The following TREM1 variants were observed in gnomAD, a reference collection of about 807,000 sequenced individuals.
TREM1 encodes triggering receptor expressed on monocytes 1.
TREM1 carries 16 observed loss-of-function variants against 22.4 expected under a neutral mutation model. The ratio of observed to expected loss-of-function variants is 0.71; its 90% CI spans 0.48 to 1.08. TREM1 has a LOEUF of 1.08. Among genes scored for constraint, TREM1 ranks in the 50% least tolerant of loss-of-function variants. The pLI, the probability that TREM1 is intolerant of heterozygous loss-of-function variation, is 0.00. For missense variants in TREM1, 283 were observed against 282.9 expected (o/e 1.00, Z 0.00); for synonymous variants, 110 against 111.6 (o/e 0.99, Z 0.09).
chr6:41,279,141 C>T (rs765427064), intron 3 of TREM1, among the ~76,000 whole-genome samples: 4 of 152,190 alleles, frequency 2.6e-5, no homozygotes, highest in Non-Finnish European at 5.9e-5. Flanking sequence ...CAAGCAGAGA[C>T]GACCATCCCT....
chr6:41,281,239 G>T, intron 2 of TREM1, 86 bp from the exon 3 acceptor site: 1 of 1,459,546 alleles, frequency 6.9e-7, no homozygotes, highest in Non-Finnish European at 9.3e-7. Context: ...TGGATGTATG[G>T]ATGAAAATGT....
Position 41,275,405 on chromosome 6 carries a change from A to T in TREM1, c.*720T>A, listed in dbSNP as rs1767628210. The T allele has an allele frequency of 6.6e-6, 1 of 152,252 alleles. No homozygotes were observed. The allele number at this position is 152,252 out of a possible 1,614,324, so 9.4% of individuals were successfully genotyped here. A position where few individuals can be genotyped will look rare whatever the true frequency, so the allele number is the denominator to read the frequency against. ...TCATGTGGCCTCGTTCTAGTCACAT[A>T]CATTTCTGCCTTCACGGGGCTATTT... On this transcript the variant is annotated 3_prime_UTR_variant, in exon 4 of 4. Coordinates refer to ENST00000244709, the MANE Select transcript of TREM1 (RefSeq NM_018643.5).
At chr6:41,267,830 G>A (rs747736071), downstream of TREM1, 11 of 396,950 alleles carry the variant, frequency 2.8e-5, no homozygotes, top group Non-Finnish European at 4.4e-5. Context: ...ACTCAGTTTG[G>A]TTACATGAAG....
rs561041769 is a variant in TREM1, at chr6:41,275,893, A to C, written c.*232T>G. Reference sequence around the variant, plus strand: ...AAGTGGCTGGTGGAATGAAGGACCAAGCATGTTTGGGGCTGTAACTTCTTT... The same window carrying C: ...AAGTGGCTGGTGGAATGAAGGACCACGCATGTTTGGGGCTGTAACTTCTTT... On this transcript the variant is annotated 3_prime_UTR_variant, in exon 4 of 4. Coordinates refer to ENST00000244709, the MANE Select transcript of TREM1 (RefSeq NM_018643.5). 1.1e-4 allele frequency: 62 copies of C among 561,260 alleles called. No homozygotes were observed. Among genetic ancestry groups the C allele is most frequent in the Middle Eastern group, 4.8e-4 (1 of 2,102 alleles). The allele number at this position is 561,260 out of a possible 1,614,324, so 34.8% of individuals were successfully genotyped here.
In TREM1 at chr6:41,274,733, A is replaced by G. The variant is rs1400790499; in HGVS notation, c.*1392T>C. ...TTACCTGGGCAGGTTCTGACAGAGC[A>G]GCATTTAGGGGAATGGGGAAGTCCT... On this transcript the variant is annotated 3_prime_UTR_variant, in exon 4 of 4. Transcript: ENST00000244709. Among the ~76,000 whole-genome samples the G allele has an allele frequency of 6.6e-6, 1 of 152,164 alleles. No individual in the cohort carries two copies. Among genetic ancestry groups the G allele is most frequent in the Non-Finnish European group, 1.5e-5 (1 of 68,014 alleles).
chr6:41,280,659 C>T, intron 3 of TREM1: 1 of 1,399,262 alleles, frequency 7.1e-7, no homozygotes, highest in East Asian at 2.6e-5. Flanking sequence ...CCCATCAGGC[C>T]CCTGGGGTTG....
In TREM1 at chr6:41,275,264, G is replaced by A. The variant is rs1200549808; in HGVS notation, c.*861C>T. 2 of 152,178 alleles carry A rather than the reference G, an allele frequency of 1.3e-5. No homozygotes were observed. Among genetic ancestry groups the A allele is most frequent in the East Asian group, 3.9e-4 (2 of 5,192 alleles). The allele number at this position is 152,178 out of a possible 1,614,324, so 9.4% of individuals were successfully genotyped here. A position where few individuals can be genotyped will look rare whatever the true frequency, so the allele number is the denominator to read the frequency against. On this transcript the variant is annotated 3_prime_UTR_variant, in exon 4 of 4. Transcript: ENST00000244709. ...CATCCCTGACCCTTGTGTGATACAG[G>A]AAAAGAGGCATTTAGACACAGGCGG...
chr6:41,276,279 C>T (rs1305707071), intron 3 of TREM1, 49 bp from the exon 4 acceptor site: 3 of 1,387,510 alleles, frequency 2.2e-6, no homozygotes, highest in Non-Finnish European at 3.1e-6. Context: ...GTCTCTCCCA[C>T]ACGCACATGT....
At chr6:41,269,179 C>A (rs527323115), downstream of TREM1, among the ~76,000 whole-genome samples, 22 of 152,256 alleles carry the variant, frequency 1.4e-4, no homozygotes, top group Non-Finnish European at 3.1e-4. Flanking sequence ...GCACTGAGCT[C>A]CACCATCCCA....
chr6:41,270,608 C>T (rs760819061), downstream of TREM1, among the ~76,000 whole-genome samples: 2 of 152,060 alleles, frequency 1.3e-5, no homozygotes, highest in African/African-American at 4.8e-5. Context: ...AAATGTTCAT[C>T]ATAAAAAGGT....
At chr6:41,271,600 G>A (rs577025731), downstream of TREM1, among the ~76,000 whole-genome samples, 3 of 152,228 alleles carry the variant, frequency 2.0e-5, no homozygotes, top group Non-Finnish European at 2.9e-5. Context: ...ACTCTGTCTC[G>A]CTTTTCTTTA....
At chr6:41,278,015 A>C (rs1018376784) in intron 3 of TREM1, among the ~76,000 whole-genome samples, 3 of 147,720 alleles carry the variant, frequency 2.0e-5, no homozygotes, top group South Asian at 4.3e-4. Flanking sequence ...TTGATCTCCC[A>C]GGCTCAAGTG....
At chr6:41,282,280 G>T in intron 2 of TREM1, 115 bp downstream of exon 2, 1 of 794,614 alleles carries the variant, frequency 1.3e-6, no homozygotes, top group Non-Finnish European at 2.1e-6. Context: ...AGATAAAGAG[G>T]TCCTGGGAGG....
rs374013968 is a variant in TREM1, at chr6:41,282,473, G to T, written c.328C>A (p.Leu110Met). Residue 110 changes from leucine to methionine, a missense_variant, in exon 2 of 4, where the codon CTG becomes ATG. Physicochemically the swap from Leu to Met is conservative, Grantham distance 15. Coordinates refer to ENST00000244709, the MANE Select transcript of TREM1 (RefSeq NM_018643.5). ...GGCTGGTAGATCACACACTGATACA[G>T]TCCAGAATCTTCCACTTGAAGGTTG... ...MVNLQVEDSG[L>M]YQCVIYQPPK... is the part of the protein sequence containing the mutation. 1.2e-5 allele frequency: 20 copies of T among 1,614,176 alleles called. No individual in the cohort carries two copies. Among genetic ancestry groups the T allele is most frequent in the Non-Finnish European group, 1.6e-5 (19 of 1,180,026 alleles).
chr6:41,282,849 A>AC, intron 1 of TREM1, 98 bp from the exon 2 acceptor site: 1 of 1,144,598 alleles, frequency 8.7e-7, no homozygotes, highest in Non-Finnish European at 1.2e-6. Flanking sequence ...TTGTCCAACC[A>AC]CCCATATTTC....
At position 41,282,651 on chromosome 6, in the gene TREM1, G is replaced by T; in HGVS notation, c.150C>A (p.Ser50Arg). The T allele has an allele frequency of 6.2e-7, 1 of 1,614,234 alleles. No individual in the cohort carries two copies. The highest frequency in any genetic ancestry group is 8.5e-7 in the Non-Finnish European group (1 of 1,180,044). Reference protein sequence around the residue: ...KCDYTLEKFASSQKAWQIIRD... With the variant: ...KCDYTLEKFARSQKAWQIIRD... ...TTATTATCTGCCAAGCTTTCTGGCT[G>T]CTGGCAAACTTCTCTAGCGTGTAGT... Residue 50 changes from serine to arginine, a missense_variant, in exon 2 of 4, where the codon AGC becomes AGA. Transcript: ENST00000244709.
chr6:41,270,212 C>T (rs1767439553), downstream of TREM1: 1 of 152,266 alleles, frequency 6.6e-6, no homozygotes, highest in Non-Finnish European at 1.5e-5. Flanking sequence ...TCCATGTCAC[C>T]TACAGCTTGG....
chr6:41,272,189 G>C (rs553267831), downstream of TREM1, among the ~76,000 whole-genome samples: 1 of 152,258 alleles, frequency 6.6e-6, no homozygotes, highest in South Asian at 2.1e-4. Context: ...CCACCCTTGT[G>C]ACAGCTTCTT....
intron 1 of TREM1, among the ~76,000 whole-genome samples, chr6:41,284,407 A>G (rs1768069296): frequency 6.6e-6 from 1 of 152,128 alleles, no homozygotes; most frequent in Admixed American, 6.5e-5. Flanking sequence ...TGGGTTAACC[A>G]TCTAGAATTG....
Sources: allele counts gnomAD v4.1 joint callset (sites outside exome capture counted in the v4.1 genomes callset), GRCh38; gene constraint gnomAD v4.1.1; transcripts MANE v1.5; gene names NCBI Gene and HGNC (gene_info 2026-07-23, HGNC 2026-07-21).